CYP4X1: variants seen among roughly 807,000 people sequenced by gnomAD.
The protein encoded by CYP4X1 is cytochrome P450 family 4 subfamily X member 1, also known as cytochrome P450 4X1.
A neutral mutation model predicts 57.9 loss-of-function variants in CYP4X1; 44 were observed. The observed-to-expected ratio is 0.76, with a 90% CI of 0.60 to 0.98. The LOEUF (loss-of-function observed/expected upper bound fraction) is 0.98, where lower values mean the gene tolerates loss of function less well. Ranked by LOEUF, CYP4X1 falls within the 50% of genes least tolerant of loss-of-function variation. The pLI is 0.00. For synonymous variants in CYP4X1, 227 were observed against 228.6 expected, an observed-to-expected ratio of 0.99 and a Z score of 0.06; for missense variants, 532 against 623.9, an observed-to-expected ratio of 0.85 and a Z score of 1.57.
the CYP4X1 span, among the ~76,000 whole-genome samples, chr1:47,011,452 AC>A: frequency 1.3e-5 from 2 of 152,204 alleles, no homozygotes; most frequent in Non-Finnish European, 2.9e-5. Context: ...AACCATAAAA[AC>A]CCTAGAAGAA....
the CYP4X1 span, among the ~76,000 whole-genome samples, chr1:47,013,891 TAGCTGGGATTAC>T: frequency 6.6e-6 from 1 of 151,702 alleles, no homozygotes; most frequent in Non-Finnish European, 1.5e-5. Context: ...GCCTCCCAAG[TAGCTGGGATTAC>T]AGCTGGGATT....
chr1:47,035,843 G>A lies in CYP4X1; in HGVS notation c.530G>A (p.Ser177Asn), dbSNP rs1198429827. 1 of 1,613,594 alleles carries A rather than the reference G, an allele frequency of 6.2e-7. No individual in the cohort carries two copies. Among genetic ancestry groups the A allele is most frequent in the Non-Finnish European group, 8.5e-7 (1 of 1,179,722 alleles). Reference protein sequence around the residue: ...WEKICSTQDTSVEVYEHINSM... With the variant: ...WEKICSTQDTNVEVYEHINSM... ...AAGATTTGCAGCACTCAGGACACAA[G>A]CGTGGAGGTCTATGAGCACATCAAC... is the stretch of plus-strand genomic sequence containing the variant. Residue 177 changes from serine to asparagine, a missense_variant, in exon 5 of 12, where the codon AGC (serine) becomes AAC (asparagine). Coordinates refer to ENST00000371901, the MANE Select transcript of CYP4X1 (RefSeq NM_178033.2).
chr1:47,014,131 A>G, the CYP4X1 span, among the ~76,000 whole-genome samples: 1 of 152,182 alleles, frequency 6.6e-6, no homozygotes, highest in Middle Eastern at 3.2e-3. Flanking sequence ...TTTAATAAGG[A>G]AAACAGATAC....
chr1:47,008,009 A>T, the CYP4X1 span, among the ~76,000 whole-genome samples: 1 of 152,242 alleles, frequency 6.6e-6, no homozygotes, highest in East Asian at 1.9e-4. Context: ...TCAGGATATT[A>T]TCCAGGAGAA....
chr1:46,973,579 A>G, the CYP4X1 span, among the ~76,000 whole-genome samples: 1 of 152,090 alleles, frequency 6.6e-6, no homozygotes, highest in Non-Finnish European at 1.5e-5. Flanking sequence ...TGGTTGGTAG[A>G]TATTTTATTA....
Position 47,050,302 on chromosome 1 carries a change from T to C in CYP4X1, c.*128T>C, listed in dbSNP as rs996180466. The stretch of plus-strand genomic sequence containing the variant: ...GAGGTTGGTGGGATAGGGGTCTCTG[T>C]GAAGAGATCCAAAATCATTTCTAGG... On this transcript the variant is annotated 3_prime_UTR_variant, in exon 12 of 12. Transcript: ENST00000371901. 46 of 946,960 alleles carry C rather than the reference T, an allele frequency of 4.9e-5. No homozygotes were observed. Among genetic ancestry groups the C allele is most frequent in the Non-Finnish European group, 5.7e-5 (36 of 631,308 alleles). 58.7% of individuals were successfully genotyped at this position (946,960 alleles called of 1,614,324 possible).
chr1:46,995,620 G>A, the CYP4X1 span, among the ~76,000 whole-genome samples: 87 of 152,320 alleles, frequency 5.7e-4, no homozygotes, highest in African/African-American at 1.9e-3. Flanking sequence ...TTCCTCGGAA[G>A]TTTTAGAAGC....
At chr1:47,011,248 A>G in the CYP4X1 span, among the ~76,000 whole-genome samples, 3 of 152,310 alleles carry the variant, frequency 2.0e-5, no homozygotes, top group African/African-American at 7.2e-5. Context: ...CTCAGAAATA[A>G]TACCACACAT....
the CYP4X1 span, among the ~76,000 whole-genome samples, chr1:47,018,588 G>A: frequency 6.6e-6 from 1 of 152,130 alleles, no homozygotes; most frequent in Non-Finnish European, 1.5e-5. Flanking sequence ...GAGTGGAAGA[G>A]GTTGACCTGT....
the CYP4X1 span, among the ~76,000 whole-genome samples, chr1:46,970,559 G>C: frequency 6.6e-6 from 1 of 152,146 alleles, no homozygotes; most frequent in South Asian, 2.1e-4. Flanking sequence ...GAAAAATTTT[G>C]CTTGCTTGAG....
the CYP4X1 span, among the ~76,000 whole-genome samples, chr1:47,013,428 A>G: frequency 6.6e-6 from 1 of 152,188 alleles, no homozygotes; most frequent in South Asian, 2.1e-4. Context: ...GAGATAGCAC[A>G]TGTAAGATTC....
At chr1:47,008,340 G>A in the CYP4X1 span, among the ~76,000 whole-genome samples, 3 of 152,120 alleles carry the variant, frequency 2.0e-5, no homozygotes, top group Non-Finnish European at 4.4e-5. Context: ...ATAAGTGAAG[G>A]AGAAATAAAA....
chr1:47,050,269 G>C lies in CYP4X1; in HGVS notation c.*95G>C. 1.4e-6 allele frequency: 2 copies of C among 1,425,804 alleles called. No individual in the cohort carries two copies. Among genetic ancestry groups the C allele is most frequent in the Non-Finnish European group, 1.9e-6 (2 of 1,035,998 alleles). 88.3% of individuals were successfully genotyped at this position (1,425,804 alleles called of 1,614,324 possible). A position where few individuals can be genotyped will look rare whatever the true frequency, so the allele number is the denominator to read the frequency against. ...ATAGAAAGGGATCAATGTATGGTGG[G>C]AGGATTGGAGGTTGGTGGGATAGGG... On this transcript the variant is annotated 3_prime_UTR_variant, in exon 12 of 12. Coordinates refer to ENST00000371901, the MANE Select transcript of CYP4X1 (RefSeq NM_178033.2).
chr1:47,022,283 CTTTTTTTTTTTT>C (rs11352280), upstream of CYP4X1, among the ~76,000 whole-genome samples: 4 of 77,312 alleles, frequency 5.2e-5, no homozygotes, highest in African/African-American at 1.5e-4. Context: ...TGGGGCCTGT[CTTTTTTTTTTTT>C]TTTTTTTTTT....
In CYP4X1 at chr1:47,043,281, C is replaced by T. The variant is rs557584303; in HGVS notation, c.1074-3186C>T. ...CTTTTGAGAATTGTCTATTCATGTC[C>T]TTTGTCCATTTTTTGATGGGATTAT... is the stretch of plus-strand genomic sequence containing the variant. On this transcript the variant is annotated intron_variant, in intron 8 of 11. Transcript: ENST00000371901. Among the ~76,000 whole-genome samples, 3 of 152,124 alleles carry T rather than the reference C, an allele frequency of 2.0e-5. No homozygotes were observed. The East Asian group carries it at 5.8e-4, about 29-fold the overall frequency.
rs373252496 is a variant in CYP4X1 at position 47,039,502 on chromosome 1, G to A, written c.1043G>A (p.Gly348Asp). The change falls in exon 8 of 12, where the codon GGC (glycine) becomes GAC (aspartate). Residue 348 changes from glycine to aspartate, a missense_variant. Gly to Asp is a moderately conservative substitution (Grantham distance 94). Coordinates refer to ENST00000371901, the MANE Select transcript of CYP4X1 (RefSeq NM_178033.2). ...GAGAGATGCCGGGAGGAGGTCAGGG[G>A]CATCCTGGGGGATGGGTCTTCTATC... ...HQERCREEVR[G>D]ILGDGSSITW... The A allele has an allele frequency of 2.5e-6, 4 of 1,610,786 alleles. No homozygotes were observed. The highest frequency in any genetic ancestry group is 1.3e-5 in the African/African-American group (1 of 74,784).
At chr1:46,967,470 T>C in the CYP4X1 span, among the ~76,000 whole-genome samples, 4 of 151,882 alleles carry the variant, frequency 2.6e-5, no homozygotes. Flanking sequence ...CAGTCTGTGA[T>C]GCAGGTAGGC....
chr1:46,970,748 C>T, the CYP4X1 span, among the ~76,000 whole-genome samples: 1 of 152,092 alleles, frequency 6.6e-6, no homozygotes, highest in Non-Finnish European at 1.5e-5. Flanking sequence ...AGATGCTAAC[C>T]AAGACAGCAA....
At chr1:47,004,340 A>G in the CYP4X1 span, among the ~76,000 whole-genome samples, 1 of 152,190 alleles carries the variant, frequency 6.6e-6, no homozygotes. Flanking sequence ...ACCCTCCACC[A>G]GTAACATATT....
Sources: gnomAD v4.1 joint callset for allele counts (sites outside exome capture counted in the v4.1 genomes callset) on GRCh38, gnomAD v4.1.1 for gene constraint, MANE v1.5 for transcripts, NCBI Gene and HGNC (gene_info 2026-07-23, HGNC 2026-07-21) for gene names.